The following KIF21B variants were observed in gnomAD, a reference collection of about 807,000 sequenced individuals.
The protein encoded by KIF21B is kinesin-like protein KIF21B.
KIF21B carries 85 observed loss-of-function variants against 192.9 expected under a neutral mutation model. That is an observed-to-expected ratio of 0.44 (90% CI 0.37 to 0.53). The LOEUF is 0.53. Among genes scored for constraint, KIF21B ranks in the 20% least tolerant of loss-of-function variants. The pLI, the probability that KIF21B is intolerant of heterozygous loss-of-function variation, is 0.00. For synonymous variants in KIF21B, 832 were observed against 884.6 expected (o/e 0.94, Z 1.05); for missense variants, 1,716 against 2,194.8 (o/e 0.78, Z 4.36).
chr1:201,004,219 C>T (rs1657666459), intron 7 of KIF21B, 121 bp downstream of exon 7: 1 of 774,926 alleles, frequency 1.3e-6, no homozygotes, highest in South Asian at 1.7e-5. Flanking sequence ...CCTAAACCTG[C>T]AGCCTAGGAT....
At chr1:201,011,116 C>T (rs189778550) in intron 1 of KIF21B, among the ~76,000 whole-genome samples, 3 of 152,362 alleles carry the variant, frequency 2.0e-5, no homozygotes, top group South Asian at 2.1e-4. Flanking sequence ...CCAGCTTCTT[C>T]GTCTCCCAAC....
Position 200,981,029 on chromosome 1 carries a change from C to T in KIF21B, c.3910G>A (p.Ala1304Thr). The T allele has an allele frequency of 1.2e-6, 2 of 1,610,284 alleles. No individual in the cohort carries two copies. Among genetic ancestry groups the T allele is most frequent in the East Asian group, 4.5e-5 (2 of 44,528 alleles). ...RTAPLQCVSMAEGHTKPILCL... is the reference protein window; with the variant it reads ...RTAPLQCVSMTEGHTKPILCL... Reference sequence around the variant, plus strand: ...AGGATGGGCTTGGTGTGGCCTTCGGCCATGGAGACACACTGCAGTGGGGCC... The same window carrying T: ...AGGATGGGCTTGGTGTGGCCTTCGGTCATGGAGACACACTGCAGTGGGGCC... Residue 1304 changes from alanine (A) to threonine (T), a missense_variant, in exon 29 of 35, where the codon GCC becomes ACC. Physicochemically the swap from Ala to Thr is moderately conservative, Grantham distance 58. Around this residue, in one of 3 missense-constraint regions of KIF21B, gnomAD observed 580 missense variants for 775.5 expected, o/e 0.75. Coordinates refer to ENST00000461742, the MANE Select transcript of KIF21B (RefSeq NM_001252102.2).
intron 26 of KIF21B, among the ~76,000 whole-genome samples, chr1:200,985,209 C>T (rs1218438636): frequency 6.6e-6 from 1 of 152,106 alleles, no homozygotes; most frequent in African/African-American, 2.4e-5. Context: ...TATTTGTGGC[C>T]AGGTGCAGTG....
At chr1:200,985,999 C>T (rs916784796) in intron 26 of KIF21B, among the ~76,000 whole-genome samples, 1 of 151,384 alleles carries the variant, frequency 6.6e-6, no homozygotes, top group Non-Finnish European at 1.5e-5. Context: ...GTGCACACCA[C>T]CACGCCCAGC....
chr1:200,999,769 T>A lies in KIF21B; in HGVS notation c.1767+114A>T. 1 of 1,079,328 alleles carries A rather than the reference T, an allele frequency of 9.3e-7. No individual in the cohort carries two copies. 66.9% of individuals were successfully genotyped at this position (1,079,328 alleles called of 1,614,324 possible). On this transcript the variant is annotated intron_variant, in intron 12 of 34. Coordinates refer to ENST00000461742, the MANE Select transcript of KIF21B (RefSeq NM_001252102.2). The surrounding 1 kb of genome is among the most constrained non-coding windows in gnomAD (Gnocchi z 4.7). ...TAAGGAAGTACAAGGATCAACTGGA[T>A]GCAGACCCAACCGCCTCCTTCACTC...
At chr1:201,015,519 C>T (rs1001183015) in intron 1 of KIF21B, among the ~76,000 whole-genome samples, 1 of 152,224 alleles carries the variant, frequency 6.6e-6, no homozygotes, top group Non-Finnish European at 1.5e-5. Flanking sequence ...AGTCAGCAAG[C>T]CTAAGGGGAA....
chr1:201,012,791 G>A (rs1049909915), intron 1 of KIF21B, among the ~76,000 whole-genome samples: 8 of 152,032 alleles, frequency 5.3e-5, no homozygotes, highest in Admixed American at 2.0e-4. Context: ...CAACAGGCAC[G>A]CACCATCATG....
chr1:200,987,271 A>G, intron 24 of KIF21B, 70 bp from the exon 25 acceptor site: 1 of 1,410,060 alleles, frequency 7.1e-7, no homozygotes, highest in Non-Finnish European at 9.6e-7. Flanking sequence ...GCCAGGGGAA[A>G]TTCTATTTTT....
rs1174516155 is a variant in KIF21B, at chr1:200,973,967, A to G, written c.4815-389T>C. 11 of 1,545,116 alleles carry G rather than the reference A, an allele frequency of 7.1e-6. No homozygotes were observed. In the South Asian group the frequency reaches 1.3e-4, roughly 19 times the overall value. ...CCTCTCTAGGCCAGGCAGGACAGGA[A>G]GGGAAAGGAAGAAGAAGGAGTAAAA... On this transcript the variant is annotated intron_variant, in intron 34 of 34. Transcript: ENST00000461742.
chr1:200,983,117 T>C, intron 27 of KIF21B, 23 bp from the exon 28 acceptor site: 1 of 1,534,742 alleles, frequency 6.5e-7, no homozygotes, highest in South Asian at 1.2e-5. Flanking sequence ...GAAAATTAGC[T>C]GGATTAGGGG....
chr1:200,989,705 A>G (rs1332740226), intron 21 of KIF21B, among the ~76,000 whole-genome samples: 1 of 152,234 alleles, frequency 6.6e-6, no homozygotes, highest in Non-Finnish European at 1.5e-5. Flanking sequence ...GCCAGGTGCC[A>G]GGCCACGTCC....
intron 34 of KIF21B, chr1:200,974,182 T>C: frequency 6.4e-7 from 1 of 1,556,216 alleles, no homozygotes; most frequent in South Asian, 1.2e-5. Flanking sequence ...TCCACAACTT[T>C]ACCCGGCAGT....
intron 31 of KIF21B, 96 bp downstream of exon 31, chr1:200,977,116 G>A: frequency 7.0e-7 from 1 of 1,437,826 alleles, no homozygotes; most frequent in South Asian, 1.3e-5. Context: ...TGTTGCTGAG[G>A]TCCTACCCAC....
rs60686711 is a variant in KIF21B at position 201,020,808 on chromosome 1, T to TACACACACACACACACACAC, written c.41+2515_41+2534dup. Among the ~76,000 whole-genome samples the TACACACACACACACACACAC allele has an allele frequency of 5.4e-3, 768 of 142,880 alleles. 15 individuals are homozygous for TACACACACACACACACACAC. Among genetic ancestry groups the TACACACACACACACACACAC allele is most frequent in the African/African-American group, 0.019 (695 of 37,192 alleles). The allele number at this position is 142,880 out of a possible 152,430, so 93.7% of individuals were successfully genotyped here. On this transcript the variant is annotated intron_variant, in intron 1 of 34. Transcript: ENST00000461742. Reference sequence around the variant, plus strand: ...TAATAGCCCTGGGACCTCTCTCCTCTACACACACACACACACACACACACA... The same window carrying TACACACACACACACACACAC: ...TAATAGCCCTGGGACCTCTCTCCTCTACACACACACACACACACACACACACACACACACACACACACACA...
At chr1:201,021,279 A>G (rs1658804315) in intron 1 of KIF21B, among the ~76,000 whole-genome samples, 3 of 152,188 alleles carry the variant, frequency 2.0e-5, no homozygotes, top group African/African-American at 2.4e-5. Flanking sequence ...TCTGCTGTAC[A>G]CGGCCGGCTG....
At chr1:200,987,512 G>C (rs970417045) in intron 24 of KIF21B, among the ~76,000 whole-genome samples, 1 of 152,108 alleles carries the variant, frequency 6.6e-6, no homozygotes, top group Non-Finnish European at 1.5e-5. Context: ...CCAAAGTGCT[G>C]GGATTACAGG....
chr1:201,005,517 C>T (rs755995298), intron 4 of KIF21B, 28 bp downstream of exon 4: 1 of 1,605,564 alleles, frequency 6.2e-7, no homozygotes, highest in Non-Finnish European at 8.5e-7. Flanking sequence ...TGCCCTGGAC[C>T]TGCTCCAGAC....
At chr1:200,985,034 G>T in intron 26 of KIF21B, 62 bp from the exon 27 acceptor site, 1 of 1,224,326 alleles carries the variant, frequency 8.2e-7, no homozygotes. Context: ...GCCCCTACTT[G>T]GTGCTGGGCT....
rs1657709338 is a variant in KIF21B, at chr1:201,004,859, A to C, written c.807T>G (p.Phe269Leu). Reference protein sequence around the residue: ...SSEYETLTAKFHFVDLAGSER... With the variant: ...SSEYETLTAKLHFVDLAGSER... ...CTGAGCCGGCCAGGTCCACAAAGTG[A>C]AACTTAGCAGTGAGTGTCTCATACT... The change falls in exon 6 of 35, where the codon TTT (phenylalanine) becomes TTG (leucine). Residue 269 changes from phenylalanine (F) to leucine (L), a missense_variant. Coordinates refer to ENST00000461742, the MANE Select transcript of KIF21B (RefSeq NM_001252102.2). The C allele has an allele frequency of 6.2e-7, 1 of 1,614,126 alleles. No individual in the cohort carries two copies. Among genetic ancestry groups the C allele is most frequent in the East Asian group, 2.2e-5 (1 of 44,872 alleles).
Sources: allele counts gnomAD v4.1 joint callset (sites outside exome capture counted in the v4.1 genomes callset), GRCh38; gene constraint gnomAD v4.1.1; regional missense constraint gnomAD v4.1.1; non-coding constraint Gnocchi (gnomAD v3.1); transcripts MANE v1.5; gene names NCBI Gene and HGNC (gene_info 2026-07-23, HGNC 2026-07-21).